Variants in IRGM observed in about 807,000 individuals in gnomAD.
The protein encoded by IRGM is immunity related GTPase M, also known as immunity-related GTPase family M protein.
For synonymous variants in IRGM, 98 were observed against 80.6 expected, an observed-to-expected ratio of 1.22 and a Z score of -1.16; for missense variants, 288 against 219.9, an observed-to-expected ratio of 1.31 and a Z score of -1.96.
chr5:150,878,134 A>C, intron 2 of IRGM: 1 of 416,074 alleles, frequency 2.4e-6, no homozygotes, highest in Non-Finnish European at 4.7e-6. Context: ...AAAAATCTTC[A>C]CTGATTTTAG....
intron 3 of IRGM, chr5:150,898,174 AACTGGAT>A: frequency 6.2e-7 from 1 of 1,613,402 alleles, no homozygotes; most frequent in South Asian, 1.1e-5. Context: ...CTGGTTTGGA[AACTGGAT>A]ACCCTATTAA....
At chr5:150,878,107 C>T (rs1488870884) in exon 2 of IRGM, 1 of 441,624 alleles carries the variant, frequency 2.3e-6, no homozygotes, top group African/African-American at 2.1e-5. Flanking sequence ...TAGCAAGGCC[C>T]AGCTCAGGTG....
intron 3 of IRGM, chr5:150,896,804 G>A (rs1379698859): frequency 6.2e-7 from 1 of 1,613,724 alleles, no homozygotes; most frequent in Non-Finnish European, 8.5e-7. Flanking sequence ...TGACCTGCCT[G>A]AAGAGTTTGT....
At chr5:150,850,866 A>T (rs914503720), downstream of IRGM, among the ~76,000 whole-genome samples, 2 of 152,190 alleles carry the variant, frequency 1.3e-5, no homozygotes, top group African/African-American at 4.8e-5. Flanking sequence ...GCCCAGGAGG[A>T]CTGCGAGGCA....
intron 3 of IRGM, chr5:150,896,455 C>G: frequency 6.2e-7 from 1 of 1,613,544 alleles, no homozygotes; most frequent in South Asian, 1.1e-5. Flanking sequence ...TTAGTTTCCA[C>G]ATTCTGATAT....
chr5:150,852,444 A>G (rs1167932593), downstream of IRGM, among the ~76,000 whole-genome samples: 2 of 152,188 alleles, frequency 1.3e-5, no homozygotes, highest in Non-Finnish European at 2.9e-5. Context: ...CATTATTTCC[A>G]TCTGGCTCAC....
rs1016674752 is a variant in IRGM at position 150,846,881 on chromosome 5, G to C, written c.-755G>C. 4 of 153,854 alleles carry C rather than the reference G, an allele frequency of 2.6e-5. No homozygotes were observed. Among genetic ancestry groups the C allele is most frequent in the Non-Finnish European group, 4.3e-5 (3 of 69,342 alleles). The allele number at this position is 153,854 out of a possible 1,614,324, so 9.5% of individuals were successfully genotyped here. ...TAAGAATTGTAACACTCACCGCGAG[G>C]GTCCGTGGCTTCATTCTTGAAGTCA... On this transcript the variant is annotated 5_prime_UTR_variant, in exon 1 of 2. Coordinates refer to ENST00000522154, the MANE Select transcript of IRGM (RefSeq NM_001145805.2).
downstream of IRGM, among the ~76,000 whole-genome samples, chr5:150,850,638 T>C (rs1324764071): frequency 6.6e-6 from 1 of 152,184 alleles, no homozygotes; most frequent in African/African-American, 2.4e-5. Context: ...ATTAGCTTAC[T>C]TGAGCCTCGA....
chr5:150,866,566 T>C (rs1754211913), intron 1 of IRGM, among the ~76,000 whole-genome samples: 1 of 152,156 alleles, frequency 6.6e-6, no homozygotes, highest in African/African-American at 2.4e-5. Context: ...AAGAAACTTC[T>C]GACAAAAATC....
chr5:150,874,662 G>A (rs79536832), intron 1 of IRGM, among the ~76,000 whole-genome samples: 5,931 of 152,278 alleles, frequency 0.039, 196 homozygotes, highest in East Asian at 0.18. Flanking sequence ...ACAGGTCCAG[G>A]CTGCTGTGCA....
chr5:150,898,628 C>A, intron 3 of IRGM: 1 of 1,448,082 alleles, frequency 6.9e-7, no homozygotes, highest in Non-Finnish European at 9.3e-7. Context: ...ACAACTACAT[C>A]CACACCTAGT....
At chr5:150,863,134 G>A (rs2113267132) in intron 1 of IRGM, among the ~76,000 whole-genome samples, 1 of 152,312 alleles carries the variant, frequency 6.6e-6, no homozygotes, top group African/African-American at 2.4e-5. Context: ...TAGGGTTTGT[G>A]TCTGTCAAAT....
At chr5:150,889,414 C>T (rs772295491) in intron 3 of IRGM, among the ~76,000 whole-genome samples, 6 of 152,006 alleles carry the variant, frequency 3.9e-5, no homozygotes, top group African/African-American at 7.2e-5. Context: ...ACAGGAATGA[C>T]CTGCTCCCAT....
intron 1 of IRGM, among the ~76,000 whole-genome samples, chr5:150,871,990 A>T (rs1754290361): frequency 6.6e-6 from 1 of 152,170 alleles, no homozygotes; most frequent in Non-Finnish European, 1.5e-5. Flanking sequence ...TTTGACATTC[A>T]TTTTTAATCT....
At chr5:150,897,037 A>C in intron 3 of IRGM, 1 of 1,295,272 alleles carries the variant, frequency 7.7e-7, no homozygotes, top group Non-Finnish European at 1.1e-6. Context: ...GTAAAGAAGT[A>C]GAACAAATGG....
chr5:150,870,189 C>T (rs1014346342), intron 1 of IRGM, among the ~76,000 whole-genome samples: 1 of 152,128 alleles, frequency 6.6e-6, no homozygotes, highest in Non-Finnish European at 1.5e-5. Flanking sequence ...GGCTCAAACA[C>T]ATCTTTATTA....
intron 3 of IRGM, among the ~76,000 whole-genome samples, chr5:150,893,954 T>G (rs1000595499): frequency 6.6e-6 from 1 of 152,006 alleles, no homozygotes; most frequent in Admixed American, 6.6e-5. Flanking sequence ...AACATTGAGT[T>G]CCCACATCCC....
chr5:150,854,220 TTTG>T (rs990466964), intron 1 of IRGM, among the ~76,000 whole-genome samples: 1 of 152,130 alleles, frequency 6.6e-6, no homozygotes, highest in African/African-American at 2.4e-5. Context: ...CCCTTCCTGC[TTTG>T]TTATGTTATT....
At chr5:150,895,653 G>A (rs1171560164) in intron 3 of IRGM, 2 of 1,613,182 alleles carry the variant, frequency 1.2e-6, no homozygotes, top group East Asian at 2.2e-5. Context: ...CTGAGAGAAG[G>A]CTTTCCCACA....
Sources: allele counts gnomAD v4.1 joint callset (sites outside exome capture counted in the v4.1 genomes callset), GRCh38; gene constraint gnomAD v4.1.1; transcripts MANE v1.5; gene names NCBI Gene and HGNC (gene_info 2026-07-23, HGNC 2026-07-21).